The following CADPS2 variants were observed in gnomAD, a reference collection of about 807,000 sequenced individuals.
CADPS2 encodes the protein calcium dependent secretion activator 2, also known as calcium-dependent secretion activator 2.
Under a neutral mutation model 172.5 loss-of-function variants are expected in CADPS2, and 93 were observed. That is an observed-to-expected ratio of 0.54 (90% CI 0.46 to 0.64). CADPS2 has a LOEUF of 0.64. CADPS2 is among the 30% of genes least tolerant of loss of function. The probability of loss-of-function intolerance (pLI) is 0.00; values close to 1 mark genes in which losing one functional copy is unlikely to be tolerated. For missense variants in CADPS2, 1,420 were observed against 1,565.9 expected, an observed-to-expected ratio of 0.91 and a Z score of 1.57; for synonymous variants, 546 against 555.2, an observed-to-expected ratio of 0.98 and a Z score of 0.23.
chr7:122,471,997 A>G (rs941030049), intron 13 of CADPS2, among the ~76,000 whole-genome samples: 1 of 152,240 alleles, frequency 6.6e-6, no homozygotes, highest in Non-Finnish European at 1.5e-5. Flanking sequence ...GCAGCAGTAT[A>G]CATGTACTAT....
At chr7:122,554,742 G>A in intron 7 of CADPS2, 53 bp from the exon 8 acceptor site, 1 of 1,414,174 alleles carries the variant, frequency 7.1e-7, no homozygotes, top group Non-Finnish European at 9.4e-7. Context: ...GTGTCTATGG[G>A]TTGGAACTAA....
intron 1 of CADPS2, among the ~76,000 whole-genome samples, chr7:122,878,425 G>GT (rs1821884037): frequency 6.6e-6 from 1 of 151,958 alleles, no homozygotes; most frequent in African/African-American, 2.4e-5. Context: ...GGCCGAGGTG[G>GT]GCGGATCACA....
At chr7:122,501,999 C>T (rs1374057312) in intron 9 of CADPS2, among the ~76,000 whole-genome samples, 2 of 149,704 alleles carry the variant, frequency 1.3e-5, no homozygotes, top group Non-Finnish European at 3.0e-5. Flanking sequence ...CATTCTGAAA[C>T]TTAAAAACAA....
rs1189315227 is a variant in CADPS2, at chr7:122,663,082, C to G, written c.786+155G>C. Among the ~76,000 whole-genome samples, 9 of 152,304 alleles carry G rather than the reference C, an allele frequency of 5.9e-5. No homozygotes were observed. In the South Asian group the frequency reaches 1.9e-3, roughly 32 times the overall value. Reference sequence around the variant, plus strand: ...CAAATACTTTTTTCAAAACTTCTCTCAAATATCACTATGTGATCTATTCAA... The same window carrying G: ...CAAATACTTTTTTCAAAACTTCTCTGAAATATCACTATGTGATCTATTCAA... On this transcript the variant is annotated intron_variant, in intron 3 of 29. Transcript: ENST00000449022.
intron 1 of CADPS2, among the ~76,000 whole-genome samples, chr7:122,817,841 C>T (rs945931704): frequency 7.2e-4 from 110 of 151,854 alleles, no homozygotes; most frequent in African/African-American, 2.6e-3. Context: ...TATATCTCTG[C>T]ACCCCAATCC....
At chr7:122,438,150 A>G (rs1167156307) in intron 17 of CADPS2, among the ~76,000 whole-genome samples, 191 bp downstream of exon 17, 6 of 152,166 alleles carry the variant, frequency 3.9e-5, no homozygotes, top group Admixed American at 2.0e-4. Flanking sequence ...ATTCAAGCAG[A>G]GTCCCAGGAG....
chr7:122,449,868 C>CTG (rs143962367), intron 15 of CADPS2, among the ~76,000 whole-genome samples: 8,986 of 152,132 alleles, frequency 0.059, 646 homozygotes, highest in African/African-American at 0.17. Context: ...CACTAAATGA[C>CTG]TCCCTACCCC....
chr7:122,870,946 T>C (rs1819588774), intron 1 of CADPS2, among the ~76,000 whole-genome samples: 1 of 152,064 alleles, frequency 6.6e-6, no homozygotes, highest in African/African-American at 2.4e-5. Flanking sequence ...TTTGAAGATA[T>C]AGTCCAGGTC....
chr7:122,760,627 C>T (rs867395014), intron 1 of CADPS2, among the ~76,000 whole-genome samples: 6 of 151,892 alleles, frequency 4.0e-5, no homozygotes, highest in Middle Eastern at 3.4e-3. Context: ...GAATACTATG[C>T]AGCCATAAAA....
At chr7:122,505,665 A>G (rs951047357) in intron 9 of CADPS2, among the ~76,000 whole-genome samples, 1 of 152,192 alleles carries the variant, frequency 6.6e-6, no homozygotes, top group East Asian at 1.9e-4. Context: ...CAGAGCTGTC[A>G]CTGACAATTA....
chr7:122,476,287 C>G (rs532928092), intron 12 of CADPS2, among the ~76,000 whole-genome samples: 2 of 151,702 alleles, frequency 1.3e-5, no homozygotes, highest in African/African-American at 2.4e-5. Context: ...AAAAATAATG[C>G]CCATTAATGG....
intron 1 of CADPS2, among the ~76,000 whole-genome samples, chr7:122,797,625 A>G (rs762428775): frequency 1.3e-5 from 2 of 152,200 alleles, no homozygotes; most frequent in Non-Finnish European, 2.9e-5. Context: ...GTTATCATTT[A>G]TAAGTGGGAG....
At chr7:122,593,393 T>G (rs2133267250) in intron 6 of CADPS2, among the ~76,000 whole-genome samples, 1 of 151,992 alleles carries the variant, frequency 6.6e-6, no homozygotes, top group Admixed American at 6.6e-5. Flanking sequence ...GGTACAGAAA[T>G]AGGGCTACCA....
intron 2 of CADPS2, among the ~76,000 whole-genome samples, chr7:122,689,531 C>G (rs949941226): frequency 6.6e-6 from 1 of 152,198 alleles, no homozygotes; most frequent in African/African-American, 2.4e-5. Context: ...AGGGGGCCCA[C>G]CCCACTCACA....
chr7:122,332,783 CACT>C (rs961289284), intron 28 of CADPS2, among the ~76,000 whole-genome samples: 8 of 152,190 alleles, frequency 5.3e-5, no homozygotes, highest in African/African-American at 1.9e-4. Context: ...CTTTCCAGTT[CACT>C]ACTACTTTCA....
chr7:122,553,113 C>T (rs577820790), intron 8 of CADPS2, among the ~76,000 whole-genome samples: 2 of 152,252 alleles, frequency 1.3e-5, no homozygotes, highest in East Asian at 3.9e-4. Flanking sequence ...GTGAGACTTT[C>T]ATTCACTATA....
chr7:122,774,899 ATAAT>A (rs1480202379), intron 1 of CADPS2, among the ~76,000 whole-genome samples: 2 of 152,172 alleles, frequency 1.3e-5, no homozygotes, highest in African/African-American at 2.4e-5. Context: ...ATATCCACAA[ATAAT>A]TAATATATAA....
intron 1 of CADPS2, among the ~76,000 whole-genome samples, chr7:122,749,384 G>A (rs1033132840): frequency 6.6e-6 from 1 of 152,072 alleles, no homozygotes; most frequent in African/African-American, 2.4e-5. Context: ...CCACTGGATA[G>A]GCAACTAGCA....
intron 7 of CADPS2, among the ~76,000 whole-genome samples, chr7:122,578,579 G>C (rs977135113): frequency 6.6e-6 from 1 of 152,106 alleles, no homozygotes; most frequent in Non-Finnish European, 1.5e-5. Flanking sequence ...AGTGGGGTCT[G>C]AGAATTTGCA....
Sources: gnomAD v4.1 joint callset for allele counts (sites outside exome capture counted in the v4.1 genomes callset) on GRCh38, gnomAD v4.1.1 for gene constraint, MANE v1.5 for transcripts, NCBI Gene and HGNC (gene_info 2026-07-23, HGNC 2026-07-21) for gene names.